RERG: variants seen among roughly 807,000 people sequenced by gnomAD.
RERG encodes the protein ras-related and estrogen-regulated growth inhibitor.
In RERG, 25 loss-of-function variants were observed where a neutral mutation model predicts 23.2. That is an observed-to-expected ratio of 1.08 (90% confidence interval 0.79 to 1.50). RERG has a LOEUF of 1.50. Ranked by LOEUF, RERG falls within the 40% of genes most tolerant of loss-of-function variation. The probability of loss-of-function intolerance (pLI) is 0.00; values close to 1 mark genes in which losing one functional copy is unlikely to be tolerated. For synonymous variants in RERG, 81 were observed against 89.1 expected (o/e 0.91, Z 0.51); for missense variants, 253 against 250.1 (o/e 1.01, Z -0.08).
At chr12:15,158,001 C>T (rs1864547855) in intron 2 of RERG, among the ~76,000 whole-genome samples, 1 of 152,012 alleles carries the variant, frequency 6.6e-6, no homozygotes, top group Admixed American at 6.5e-5. Flanking sequence ...AAGTTGGAAA[C>T]ATTTTGCCTC....
At chr12:15,172,954 C>G (rs1864796900) in intron 2 of RERG, among the ~76,000 whole-genome samples, 1 of 151,892 alleles carries the variant, frequency 6.6e-6, no homozygotes, top group Non-Finnish European at 1.5e-5. Flanking sequence ...TGATAATGTC[C>G]TTTAATGCAT....
intron 2 of RERG, chr12:15,137,829 C>A: frequency 4.6e-6 from 2 of 434,932 alleles, no homozygotes; most frequent in Non-Finnish European, 9.1e-6. Flanking sequence ...TTTAATTTTA[C>A]CTTTAAAATT....
chr12:15,158,608 TC>T (rs137911185), intron 2 of RERG, among the ~76,000 whole-genome samples: 26,136 of 152,130 alleles, frequency 0.17, 2,471 homozygotes, highest in Middle Eastern at 0.26. Context: ...TGATATTTCA[TC>T]TTTGACATTT....
In RERG at chr12:15,218,793, C is replaced by T. The variant is rs948823816; in HGVS notation, c.-114-1190G>A. ...GCCCAGCCTGTCCACTTGTTCTTCC[C>T]GGAATGTACACTCTCGTTTATGTTT... On this transcript the variant is annotated intron_variant, in intron 1 of 4. Transcript: ENST00000256953. Among the ~76,000 whole-genome samples, 10 of 152,042 alleles carry T rather than the reference C, an allele frequency of 6.6e-5. No individual in the cohort carries two copies. The East Asian group carries it at 7.7e-4, about 12-fold the overall frequency.
At chr12:15,183,907 A>T (rs1864957728) in intron 2 of RERG, among the ~76,000 whole-genome samples, 3 of 152,328 alleles carry the variant, frequency 2.0e-5, no homozygotes, top group South Asian at 2.1e-4. Context: ...CATAAAGAGT[A>T]GAATGAGGAG....
intron 2 of RERG, among the ~76,000 whole-genome samples, chr12:15,145,173 C>G (rs1864310129): frequency 6.6e-6 from 1 of 152,192 alleles, no homozygotes; most frequent in African/African-American, 2.4e-5. Context: ...AGTTCCCAAA[C>G]AACCCCATTC....
intron 2 of RERG, chr12:15,155,158 A>G (rs1864503274): frequency 6.6e-6 from 1 of 152,178 alleles, no homozygotes; most frequent in Non-Finnish European, 1.5e-5. Context: ...ATATGAAGTA[A>G]TCTAACACCA....
At chr12:15,199,900 C>T (rs1337912342) in intron 2 of RERG, among the ~76,000 whole-genome samples, 4 of 151,956 alleles carry the variant, frequency 2.6e-5, no homozygotes, top group Admixed American at 1.3e-4. Flanking sequence ...TGCATTTGCT[C>T]CTCTATAAAA....
chr12:15,210,268 A>G (rs1345217038), intron 2 of RERG, among the ~76,000 whole-genome samples: 4 of 152,246 alleles, frequency 2.6e-5, no homozygotes, highest in Admixed American at 2.0e-4. Flanking sequence ...AAACAAGTCA[A>G]GATCAAAATG....
intron 2 of RERG, among the ~76,000 whole-genome samples, chr12:15,128,671 C>T (rs1235074616): frequency 1.3e-5 from 2 of 152,164 alleles, no homozygotes; most frequent in African/African-American, 4.8e-5. Context: ...TCACAGGGAG[C>T]AAAGCTTGTG....
intron 2 of RERG, among the ~76,000 whole-genome samples, chr12:15,204,649 A>C (rs1865260705): frequency 6.6e-6 from 1 of 151,868 alleles, no homozygotes; most frequent in African/African-American, 2.4e-5. Flanking sequence ...TTTCAAACTT[A>C]CTGCCTCCCT....
intron 2 of RERG, among the ~76,000 whole-genome samples, chr12:15,142,215 A>C (rs1864249913): frequency 6.6e-6 from 1 of 152,224 alleles, no homozygotes; most frequent in Admixed American, 6.5e-5. Context: ...TAATAATCCA[A>C]GAGTCATTAC....
intron 2 of RERG, among the ~76,000 whole-genome samples, chr12:15,139,036 T>TTTG (rs66551951): frequency 6.9e-6 from 1 of 145,268 alleles, no homozygotes; most frequent in African/African-American, 2.6e-5. Flanking sequence ...TTTTTTTTTT[T>TTTG]GCCTGTGGGC....
At chr12:15,196,321 G>C (rs1865144063) in intron 2 of RERG, among the ~76,000 whole-genome samples, 1 of 152,148 alleles carries the variant, frequency 6.6e-6, no homozygotes, top group South Asian at 2.1e-4. Context: ...CATCTCTTCT[G>C]ACTGAAGAAA....
At chr12:15,214,539 C>T (rs531320643) in intron 2 of RERG, among the ~76,000 whole-genome samples, 1 of 152,228 alleles carries the variant, frequency 6.6e-6, no homozygotes, top group African/African-American at 2.4e-5. Context: ...CAGACTTAAA[C>T]AAGCAAAAGT....
intron 2 of RERG, among the ~76,000 whole-genome samples, chr12:15,188,710 T>C (rs745373480): frequency 1.2e-4 from 19 of 152,224 alleles, no homozygotes; most frequent in Non-Finnish European, 2.4e-4. Context: ...GTATTTAGCA[T>C]GTAATAGGTG....
At chr12:15,123,885 A>G (rs1863887182) in intron 2 of RERG, among the ~76,000 whole-genome samples, 2 of 152,030 alleles carry the variant, frequency 1.3e-5, no homozygotes, top group Admixed American at 1.3e-4. Flanking sequence ...CTTCTGAAAT[A>G]TTTTATTTTC....
intron 2 of RERG, among the ~76,000 whole-genome samples, chr12:15,215,002 A>G (rs1452241221): frequency 1.3e-5 from 2 of 152,254 alleles, no homozygotes; most frequent in African/African-American, 4.8e-5. Flanking sequence ...ATGTTGACAT[A>G]GGAAAACACT....
At chr12:15,171,620 T>C (rs1864779688) in intron 2 of RERG, among the ~76,000 whole-genome samples, 1 of 152,144 alleles carries the variant, frequency 6.6e-6, no homozygotes, top group Admixed American at 6.6e-5. Context: ...TAAAAAACAA[T>C]TTTCTCTTCT....
Sources: gnomAD v4.1 joint callset for allele counts (sites outside exome capture counted in the v4.1 genomes callset) on GRCh38, gnomAD v4.1.1 for gene constraint, MANE v1.5 for transcripts, NCBI Gene and HGNC (gene_info 2026-07-23, HGNC 2026-07-21) for gene names.